The following HK2 variants were observed in gnomAD, a reference collection of about 807,000 sequenced individuals.
HK2 encodes hexokinase-2.
A neutral mutation model predicts 92.9 loss-of-function variants in HK2; 42 were observed. The observed-to-expected ratio is 0.45, with a 90% confidence interval of 0.35 to 0.58. The LOEUF (loss-of-function observed/expected upper bound fraction) is 0.58. Among genes scored for constraint, HK2 ranks in the 20% least tolerant of loss-of-function variants. HK2 has a pLI of 0.00. For synonymous variants in HK2, 422 were observed against 468.0 expected (o/e 0.90, Z 1.27); for missense variants, 978 against 1,245.1 (o/e 0.79, Z 3.23).
intron 9 of HK2, among the ~76,000 whole-genome samples, chr2:74,879,840 C>T (rs1189596840): frequency 6.6e-6 from 1 of 152,176 alleles, no homozygotes; most frequent in Non-Finnish European, 1.5e-5. Flanking sequence ...GGGTCTTTCC[C>T]AGACAGCAGC....
At chr2:74,876,251 G>A (rs1440746274) in intron 7 of HK2, among the ~76,000 whole-genome samples, 1 of 152,180 alleles carries the variant, frequency 6.6e-6, no homozygotes, top group Non-Finnish European at 1.5e-5. Context: ...TCTCGGAAAG[G>A]TAACCTTGGA....
At chr2:74,836,150 C>T (rs573180319) in intron 1 of HK2, among the ~76,000 whole-genome samples, 1 of 152,188 alleles carries the variant, frequency 6.6e-6, no homozygotes, top group Non-Finnish European at 1.5e-5. Context: ...CTTCTAAGAA[C>T]TCTTGGGGAA....
chr2:74,855,822 AAG>A (rs1444351660), intron 2 of HK2, among the ~76,000 whole-genome samples: 1 of 152,164 alleles, frequency 6.6e-6, no homozygotes, highest in African/African-American at 2.4e-5. Flanking sequence ...GGTGGGCAAA[AAG>A]AGTATTCAAG....
intron 2 of HK2, among the ~76,000 whole-genome samples, chr2:74,865,203 A>T (rs1161933358): frequency 6.6e-6 from 1 of 152,024 alleles, no homozygotes; most frequent in Non-Finnish European, 1.5e-5. Flanking sequence ...GTGTCAGGGA[A>T]TGTGTGTTCC....
intron 3 of HK2, among the ~76,000 whole-genome samples, chr2:74,870,554 C>CCTTTTTTT (rs1689073423): frequency 8.1e-6 from 1 of 123,206 alleles, no homozygotes; most frequent in African/African-American, 3.0e-5. Flanking sequence ...CTGCATCTCC[C>CCTTTTTTT]TTTTTTTTTT....
intron 1 of HK2, among the ~76,000 whole-genome samples, chr2:74,844,538 G>A (rs780079321): frequency 1.3e-5 from 2 of 152,230 alleles, no homozygotes; most frequent in African/African-American, 4.8e-5. Flanking sequence ...TGTGGTGGGT[G>A]TGATCTTGGG....
rs1036900684 is a variant in HK2 at position 74,865,717 on chromosome 2, A to G, written c.227-1919A>G. 4.6e-5 allele frequency among the ~76,000 whole-genome samples: 7 copies of G among 152,176 alleles called. No individual in the cohort carries two copies. The East Asian group carries it at 9.6e-4, about 21-fold the overall frequency. On this transcript the variant is annotated intron_variant, in intron 2 of 17. Coordinates refer to ENST00000290573, the MANE Select transcript of HK2 (RefSeq NM_000189.5). ...CAGGAAATGGAAAATTAGTGCCCCTAAGGAGGAATGCTGCCGTCACTGGAG... is the reference window on the plus strand; with the variant it reads ...CAGGAAATGGAAAATTAGTGCCCCTGAGGAGGAATGCTGCCGTCACTGGAG...
rs941810123 is a variant in HK2 at position 74,887,803 on chromosome 2, C to A, written c.2220-100C>A. On this transcript the variant is annotated intron_variant, in intron 15 of 17. Transcript: ENST00000290573. ...CCCATCAGGGGAGTCTGCCTGTCTGCCACTGCTGATGCACTGGGGGTGACT... is the reference window on the plus strand; with the variant it reads ...CCCATCAGGGGAGTCTGCCTGTCTGACACTGCTGATGCACTGGGGGTGACT... 3.9e-5 allele frequency: 41 copies of A among 1,064,890 alleles called. No homozygotes were observed. In the African/African-American group the frequency reaches 6.4e-4, roughly 17 times the overall value. 66.0% of individuals were successfully genotyped at this position (1,064,890 alleles called of 1,614,324 possible).
chr2:74,866,836 C>T (rs1201619281), intron 2 of HK2, among the ~76,000 whole-genome samples: 1 of 152,170 alleles, frequency 6.6e-6, no homozygotes, highest in Non-Finnish European at 1.5e-5. Flanking sequence ...CCTTATTCAC[C>T]AGGCCTCAAT....
At chr2:74,861,968 A>ATG (rs1688842632) in intron 2 of HK2, among the ~76,000 whole-genome samples, 1 of 152,240 alleles carries the variant, frequency 6.6e-6, no homozygotes, top group African/African-American at 2.4e-5. Context: ...AATTATGTTC[A>ATG]CAGGTAAGTA....
At chr2:74,857,672 T>A (rs571421294) in intron 2 of HK2, among the ~76,000 whole-genome samples, 42 of 151,826 alleles carry the variant, frequency 2.8e-4, no homozygotes, top group African/African-American at 7.0e-4. Flanking sequence ...TAGATAAATT[T>A]AAAAAAAATA....
intron 17 of HK2, 148 bp downstream of exon 17, chr2:74,889,626 C>G: frequency 1.4e-6 from 1 of 730,722 alleles, no homozygotes; most frequent in Non-Finnish European, 2.4e-6. Flanking sequence ...TTTAAAGATT[C>G]ATAATCAGAA....
intron 10 of HK2, 39 bp from the exon 11 acceptor site, chr2:74,881,672 T>A (rs746213439): frequency 6.2e-7 from 1 of 1,611,694 alleles, no homozygotes; most frequent in Non-Finnish European, 8.5e-7. Flanking sequence ...TTCCCCATGT[T>A]CTGCCCCAAC....
intron 2 of HK2, among the ~76,000 whole-genome samples, chr2:74,856,285 G>A (rs954382019): frequency 3.3e-5 from 5 of 152,096 alleles, no homozygotes; most frequent in South Asian, 2.1e-4. Flanking sequence ...AGACTGTATC[G>A]TTCCCAAAAT....
intron 1 of HK2, among the ~76,000 whole-genome samples, chr2:74,835,681 A>G (rs1233261677): frequency 1.3e-5 from 2 of 152,050 alleles, no homozygotes; most frequent in African/African-American, 2.4e-5. Context: ...AATGCCCGGG[A>G]TTAGGGGATT....
intron 7 of HK2, among the ~76,000 whole-genome samples, chr2:74,875,705 T>G (rs1328235183): frequency 6.6e-6 from 1 of 152,182 alleles, no homozygotes; most frequent in Non-Finnish European, 1.5e-5. Flanking sequence ...AATGAGTCCT[T>G]TACTTGAAAT....
chr2:74,858,060 A>G (rs1688734117), intron 2 of HK2, among the ~76,000 whole-genome samples: 2 of 152,220 alleles, frequency 1.3e-5, no homozygotes, highest in Non-Finnish European at 2.9e-5. Flanking sequence ...CCCCAGATCT[A>G]GAGGGAGCCA....
chr2:74,875,155 CAG>C (rs1488979361), intron 7 of HK2, among the ~76,000 whole-genome samples: 3 of 152,142 alleles, frequency 2.0e-5, no homozygotes, highest in African/African-American at 7.2e-5. Context: ...GATCTTGAAA[CAG>C]GGATTGCTTC....
intron 1 of HK2, among the ~76,000 whole-genome samples, chr2:74,850,793 C>G (rs190530478): frequency 1.3e-5 from 2 of 152,258 alleles, no homozygotes; most frequent in Admixed American, 1.3e-4. Context: ...CAGTGCCTAC[C>G]AGGGCTGGGT....
Sources: allele counts gnomAD v4.1 joint callset (sites outside exome capture counted in the v4.1 genomes callset), GRCh38; gene constraint gnomAD v4.1.1; transcripts MANE v1.5; gene names NCBI Gene and HGNC (gene_info 2026-07-23, HGNC 2026-07-21).